Variants in NR5A2 observed in about 807,000 individuals in gnomAD.
The protein encoded by NR5A2 is CYP7A promoter-binding factor.
In NR5A2, 26 loss-of-function variants were observed where a neutral mutation model predicts 62.7. That is an observed-to-expected ratio of 0.41 (90% CI 0.30 to 0.58). The LOEUF (loss-of-function observed/expected upper bound fraction) is 0.58, where lower values mean the gene tolerates loss of function less well. Ranked by LOEUF, NR5A2 falls within the 20% of genes least tolerant of loss-of-function variation. The probability of loss-of-function intolerance (pLI) is 0.22; values close to 1 mark genes in which losing one functional copy is unlikely to be tolerated. For missense variants in NR5A2, 541 were observed against 669.1 expected (o/e 0.81, Z 2.11); for synonymous variants, 246 against 241.7 (o/e 1.02, Z -0.16).
chr1:200,051,552 A>G (rs1201222893), intron 5 of NR5A2, among the ~76,000 whole-genome samples: 1 of 152,228 alleles, frequency 6.6e-6, no homozygotes, highest in Non-Finnish European at 1.5e-5. Context: ...AAAAAAGTAC[A>G]AACGTGAGGG....
chr1:200,111,572 G>A (rs1348648474), intron 6 of NR5A2, among the ~76,000 whole-genome samples: 1 of 152,244 alleles, frequency 6.6e-6, no homozygotes, highest in South Asian at 2.1e-4. Context: ...TGCTTACAAG[G>A]GTCCGAAGAA....
chr1:200,034,712 A>G (rs1250988861), intron 1 of NR5A2, among the ~76,000 whole-genome samples: 1 of 149,426 alleles, frequency 6.7e-6, no homozygotes, highest in African/African-American at 2.5e-5. Context: ...GTGATTGTGA[A>G]TCAATCGCCA....
At chr1:200,142,801 A>G (rs2821342) in intron 7 of NR5A2, among the ~76,000 whole-genome samples, 25,825 of 151,960 alleles carry the variant, frequency 0.17, 2,717 homozygotes, top group Admixed American at 0.25. Flanking sequence ...TTTTTAATTA[A>G]TCAATTTATT....
chr1:200,033,748 G>A (rs995176997), intron 1 of NR5A2, among the ~76,000 whole-genome samples: 1 of 152,120 alleles, frequency 6.6e-6, no homozygotes, highest in East Asian at 1.9e-4. Context: ...AAAAGCCCAC[G>A]CCCTTCTAAT....
intron 4 of NR5A2, among the ~76,000 whole-genome samples, chr1:200,047,215 G>T (rs1048081123): frequency 6.6e-6 from 1 of 152,134 alleles, no homozygotes; most frequent in Non-Finnish European, 1.5e-5. Context: ...CACCACTGTC[G>T]CAGAAGACTC....
intron 5 of NR5A2, among the ~76,000 whole-genome samples, chr1:200,054,462 T>C (rs1047915310): frequency 2.0e-5 from 3 of 152,218 alleles, no homozygotes; most frequent in Non-Finnish European, 2.9e-5. Flanking sequence ...GAGGATCTAT[T>C]TGATCTTCTA....
intron 5 of NR5A2, among the ~76,000 whole-genome samples, chr1:200,061,286 T>TC (rs1663206612): frequency 2.0e-5 from 3 of 149,898 alleles, no homozygotes; most frequent in African/African-American, 7.4e-5. Context: ...TTTTTTTTTT[T>TC]TTTTTTTTGG....
chr1:200,081,468 G>A (rs1033622268), intron 5 of NR5A2, among the ~76,000 whole-genome samples: 1 of 152,108 alleles, frequency 6.6e-6, no homozygotes, highest in Admixed American at 6.6e-5. Context: ...AGCTCATTCC[G>A]AATTAGTAAA....
intron 7 of NR5A2, among the ~76,000 whole-genome samples, chr1:200,146,492 C>T (rs1667699638): frequency 6.6e-6 from 1 of 152,158 alleles, no homozygotes; most frequent in African/African-American, 2.4e-5. Flanking sequence ...CCATGGAAAC[C>T]ACCTGGAATT....
rs56818276 is a variant in NR5A2, at chr1:200,164,867, G to GTT, written c.1379-9070_1379-9069dup. Among the ~76,000 whole-genome samples, 44 of 63,930 alleles carry GTT rather than the reference G, an allele frequency of 6.9e-4. 1 individual carries two copies. Among genetic ancestry groups the GTT allele is most frequent in the African/African-American group, 1.6e-3 (19 of 11,888 alleles). The allele number at this position is 63,930 out of a possible 152,430, so 41.9% of individuals were successfully genotyped here. Reference sequence around the variant, plus strand: ...CTGGCCAACTTTATTTTTTAGAGCAGTTTTTTTTTTTTTTTTTTTTTTTTT... The same window carrying GTT: ...CTGGCCAACTTTATTTTTTAGAGCAGTTTTTTTTTTTTTTTTTTTTTTTTTTT... On this transcript the variant is annotated intron_variant, in intron 7 of 7. Transcript: ENST00000367362.
intron 7 of NR5A2, among the ~76,000 whole-genome samples, chr1:200,138,726 T>C (rs555004540): frequency 6.6e-6 from 1 of 152,280 alleles, no homozygotes; most frequent in East Asian, 1.9e-4. Flanking sequence ...TCAAGATCTG[T>C]ATATGTGTGG....
intron 5 of NR5A2, among the ~76,000 whole-genome samples, chr1:200,068,062 C>T (rs1336250320): frequency 3.3e-5 from 5 of 152,114 alleles, no homozygotes; most frequent in Non-Finnish European, 7.4e-5. Flanking sequence ...AATTTGTTTT[C>T]CTTTGTTGTC....
At chr1:200,161,545 A>G (rs1653643265) in intron 7 of NR5A2, among the ~76,000 whole-genome samples, 2 of 152,202 alleles carry the variant, frequency 1.3e-5, no homozygotes, top group Admixed American at 1.3e-4. Flanking sequence ...CAGCCCCAAA[A>G]TACAGGCTTC....
At chr1:200,135,532 A>AAAAG (rs1553276565) in intron 7 of NR5A2, among the ~76,000 whole-genome samples, 7 of 138,544 alleles carry the variant, frequency 5.1e-5, no homozygotes, top group African/African-American at 2.0e-4. Context: ...AAAAAAAAAA[A>AAAAG]AAGAAGAAGA....
At chr1:200,168,323 C>T (rs1373373085) in intron 7 of NR5A2, among the ~76,000 whole-genome samples, 1 of 151,598 alleles carries the variant, frequency 6.6e-6, no homozygotes, top group Non-Finnish European at 1.5e-5. Flanking sequence ...GATGCTCCTA[C>T]TTCAGCCTCT....
intron 7 of NR5A2, among the ~76,000 whole-genome samples, chr1:200,163,621 A>G (rs1222277075): frequency 6.6e-6 from 1 of 151,946 alleles, no homozygotes; most frequent in African/African-American, 2.4e-5. Context: ...AGCTGAGACT[A>G]TAGGCGCAGA....
intron 7 of NR5A2, among the ~76,000 whole-genome samples, chr1:200,149,367 C>T (rs755038254): frequency 6.6e-6 from 1 of 152,212 alleles, no homozygotes; most frequent in South Asian, 2.1e-4. Flanking sequence ...TTTGATTCAC[C>T]GTGTATCTTC....
At chr1:200,045,736 A>G (rs957911736) in intron 4 of NR5A2, 152 bp downstream of exon 4, 1 of 585,340 alleles carries the variant, frequency 1.7e-6, no homozygotes, top group Non-Finnish European at 2.7e-6. Flanking sequence ...CATCTGCAGA[A>G]TAGTCTGAGT....
intron 5 of NR5A2, among the ~76,000 whole-genome samples, chr1:200,064,185 T>C (rs1017538208): frequency 6.6e-6 from 1 of 152,068 alleles, no homozygotes; most frequent in Non-Finnish European, 1.5e-5. Flanking sequence ...GTCTTCACTT[T>C]ACAAGTTAAG....
Sources: allele counts gnomAD v4.1 joint callset (sites outside exome capture counted in the v4.1 genomes callset), GRCh38; gene constraint gnomAD v4.1.1; transcripts MANE v1.5; gene names NCBI Gene and HGNC (gene_info 2026-07-23, HGNC 2026-07-21).